The following ZNF469 variants were observed in gnomAD, a reference collection of about 807,000 sequenced individuals.
ZNF469 encodes zinc finger protein 469.
ZNF469 carries 1 observed loss-of-function variant against 1.0 expected under a neutral mutation model. The ratio of observed to expected loss-of-function variants is 1.00; its 90% CI spans 0.35 to 4.73. ZNF469 has a LOEUF of 4.73. Ranked by LOEUF, ZNF469 falls within the 30% of genes most tolerant of loss-of-function variation. The pLI is 0.16. For synonymous variants in ZNF469, 2,703 were observed against 2,363.4 expected (o/e 1.14, Z -4.17); for missense variants, 6,100 against 5,356.3 (o/e 1.14, Z -4.33).
the ZNF469 span, among the ~76,000 whole-genome samples, chr16:88,139,416 G>A: frequency 2.8e-5 from 4 of 142,962 alleles, no homozygotes; most frequent in South Asian, 4.6e-4. Flanking sequence ...GACGTGATGA[G>A]GAAAATTGCT....
chr16:88,431,740 T>A lies in ZNF469; in HGVS notation c.4270T>A (p.Ser1424Thr). 1 of 1,550,028 alleles carries A rather than the reference T, an allele frequency of 6.5e-7. No individual in the cohort carries two copies. Among genetic ancestry groups the A allele is most frequent in the Admixed American group, 2.0e-5 (1 of 51,006 alleles). ...CLCQDGEDAG[S>T]LEPQLPRSPP... ...TTGCCAGGACGGCGAGGATGCCGGT[T>A]CCCTCGAGCCACAGCTGCCAAGGAG... The change falls in exon 3 of 3, where the codon TCC becomes ACC. Residue 1424 changes from serine to threonine, a missense_variant. Physicochemically the swap from Ser to Thr is moderately conservative, Grantham distance 58 (BLOSUM62 1). Coordinates refer to ENST00000565624, the MANE Select transcript of ZNF469 (RefSeq NM_001367624.2).
At chr16:88,200,236 C>A in the ZNF469 span, among the ~76,000 whole-genome samples, 10 of 152,192 alleles carry the variant, frequency 6.6e-5, no homozygotes, top group Admixed American at 2.6e-4. Context: ...TGAGCAGGAG[C>A]CAGCGGGTGA....
At chr16:88,106,761 T>G in the ZNF469 span, among the ~76,000 whole-genome samples, 1 of 152,254 alleles carries the variant, frequency 6.6e-6, no homozygotes, top group Non-Finnish European at 1.5e-5. Flanking sequence ...GCCACCAGCC[T>G]GGGATGCCAT....
the ZNF469 span, among the ~76,000 whole-genome samples, chr16:88,317,079 C>T: frequency 6.6e-6 from 1 of 152,186 alleles, no homozygotes; most frequent in Admixed American, 6.5e-5. Context: ...AGGGGCCGGC[C>T]GGCCAGAGGC....
At chr16:88,407,107 C>G (rs1400608839) in intron 1 of ZNF469, among the ~76,000 whole-genome samples, 1 of 152,196 alleles carries the variant, frequency 6.6e-6, no homozygotes, top group African/African-American at 2.4e-5. Flanking sequence ...TCTTTCTCCA[C>G]CCTCTGCGGC....
intron 1 of ZNF469, among the ~76,000 whole-genome samples, chr16:88,384,064 G>A (rs956371917): frequency 2.0e-5 from 3 of 152,262 alleles, no homozygotes; most frequent in African/African-American, 7.2e-5. Flanking sequence ...TGCCAAGTCC[G>A]CTCCTGCAGC....
Position 88,429,552 on chromosome 16 carries a change from C to A in ZNF469, c.2082C>A (p.Gly694=). 1 of 1,550,162 alleles carries A rather than the reference C, an allele frequency of 6.5e-7. No homozygotes were observed. The highest frequency in any genetic ancestry group is 8.7e-7 in the Non-Finnish European group (1 of 1,146,862). The change falls in exon 3 of 3, where the codon GGC becomes GGA. Residue 694 remains glycine (G), a synonymous_variant. Transcript: ENST00000565624. ...AGGAGACCCCATTCCCCCACGAGGG[C>A]CCCGAGGTGGGTCGGGGAGGGCTGC... ...CLEETPFPHE[G]PEVGRGGLQG...
chr16:88,384,241 C>T (rs1013253675), intron 1 of ZNF469, among the ~76,000 whole-genome samples: 2 of 152,178 alleles, frequency 1.3e-5, no homozygotes, highest in African/African-American at 4.8e-5. Context: ...GAGCACAGCA[C>T]GCGGTAGTGT....
chr16:88,283,527 C>T, the ZNF469 span, among the ~76,000 whole-genome samples: 1 of 152,180 alleles, frequency 6.6e-6, no homozygotes, highest in Non-Finnish European at 1.5e-5. Context: ...GTGTGCTACG[C>T]CATTCTTCCA....
chr16:88,283,959 C>CGGAGTGCCTG, the ZNF469 span, among the ~76,000 whole-genome samples: 1 of 41,990 alleles, frequency 2.4e-5, no homozygotes, highest in African/African-American at 8.5e-5. Flanking sequence ...CCAGTGTGCC[C>CGGAGTGCCTG]AAGGTCTGTG....
the ZNF469 span, among the ~76,000 whole-genome samples, chr16:88,372,054 G>C: frequency 2.8e-3 from 60 of 21,080 alleles, no homozygotes; most frequent in African/African-American, 6.5e-3. Flanking sequence ...CCATCACCAT[G>C]ATTACCACCA....
chr16:88,341,783 C>CTGGGGGCTGCCATGCCCAG, the ZNF469 span, among the ~76,000 whole-genome samples: 1 of 152,064 alleles, frequency 6.6e-6, no homozygotes, highest in Non-Finnish European at 1.5e-5. Flanking sequence ...GGGAGGATGG[C>CTGGGGGCTGCCATGCCCAG]TGGGGGCTGC....
the ZNF469 span, among the ~76,000 whole-genome samples, chr16:88,120,690 A>G: frequency 2.0e-5 from 3 of 152,198 alleles, no homozygotes; most frequent in Non-Finnish European, 2.9e-5. Flanking sequence ...CTGCACCGGG[A>G]CACGTCAGGA....
At chr16:88,334,770 G>T in the ZNF469 span, among the ~76,000 whole-genome samples, 1 of 152,246 alleles carries the variant, frequency 6.6e-6, no homozygotes, top group Non-Finnish European at 1.5e-5. Context: ...GAGATGGGAA[G>T]ATGCCGACGG....
At chr16:88,273,048 G>C in the ZNF469 span, among the ~76,000 whole-genome samples, 1 of 142,326 alleles carries the variant, frequency 7.0e-6, no homozygotes, top group South Asian at 2.1e-4. Flanking sequence ...GTGGATAGAC[G>C]AGTGGATAGA....
the ZNF469 span, among the ~76,000 whole-genome samples, chr16:88,273,133 A>T: frequency 6.6e-6 from 1 of 152,070 alleles, no homozygotes; most frequent in Admixed American, 6.6e-5. Flanking sequence ...ACATGGCTGG[A>T]TGAGTGAGTG....
chr16:88,384,396 TAAAC>T (rs1256409873), intron 1 of ZNF469, among the ~76,000 whole-genome samples: 1 of 151,986 alleles, frequency 6.6e-6, no homozygotes, highest in Non-Finnish European at 1.5e-5. Flanking sequence ...TTCCTGAAAA[TAAAC>T]AAAATAAACA....
chr16:88,414,662 G>A (rs1463493203), intron 1 of ZNF469, among the ~76,000 whole-genome samples: 3 of 152,256 alleles, frequency 2.0e-5, no homozygotes, highest in African/African-American at 4.8e-5. Context: ...TGTCCTGGCT[G>A]TGGCCTCCTG....
At chr16:88,267,767 A>T in the ZNF469 span, among the ~76,000 whole-genome samples, 252 of 151,110 alleles carry the variant, frequency 1.7e-3, 6 homozygotes, top group African/African-American at 6.0e-3. Flanking sequence ...GGGGGTCAGC[A>T]GGGACACCGT....
Sources: allele counts gnomAD v4.1 joint callset (sites outside exome capture counted in the v4.1 genomes callset), GRCh38; gene constraint gnomAD v4.1.1; transcripts MANE v1.5; gene names NCBI Gene and HGNC (gene_info 2026-07-23, HGNC 2026-07-21).